SLC39A11: variants seen among roughly 807,000 people sequenced by gnomAD.
The protein encoded by SLC39A11 is solute carrier family 39 member 11.
A neutral mutation model predicts 36.1 loss-of-function variants in SLC39A11; 33 were observed. That is an observed-to-expected ratio of 0.91 (90% CI 0.69 to 1.22). The LOEUF (loss-of-function observed/expected upper bound fraction) is 1.22. Among genes scored for constraint, SLC39A11 ranks in the 50% most tolerant of loss-of-function variants. The probability of loss-of-function intolerance (pLI) is 0.00; values close to 1 mark genes in which losing one functional copy is unlikely to be tolerated. For missense variants in SLC39A11, 432 were observed against 430.3 expected (o/e 1.00, Z -0.03); for synonymous variants, 166 against 170.3 (o/e 0.97, Z 0.20).
chr17:73,045,027 G>T (rs952287320), intron 3 of SLC39A11, among the ~76,000 whole-genome samples: 5 of 151,914 alleles, frequency 3.3e-5, no homozygotes, highest in Non-Finnish European at 7.4e-5. Flanking sequence ...GTCTCAAAAA[G>T]GCTACCTGCT....
At chr17:72,894,006 G>A (rs1598307393) in intron 5 of SLC39A11, among the ~76,000 whole-genome samples, 1 of 152,268 alleles carries the variant, frequency 6.6e-6, no homozygotes, top group Non-Finnish European at 1.5e-5. Flanking sequence ...AGCAGTGAGT[G>A]TGATCAGTAT....
At chr17:72,784,565 G>A (rs747908178) in intron 6 of SLC39A11, among the ~76,000 whole-genome samples, 87 of 152,188 alleles carry the variant, frequency 5.7e-4, no homozygotes, top group Non-Finnish European at 1.3e-4. Flanking sequence ...TGTAATGACC[G>A]ATGCTGGAGG....
chr17:72,659,298 G>A (rs1382739881), intron 7 of SLC39A11, among the ~76,000 whole-genome samples: 5 of 152,216 alleles, frequency 3.3e-5, no homozygotes, highest in Non-Finnish European at 7.3e-5. Flanking sequence ...GGGCGAGGAT[G>A]ATTTTGGCGG....
intron 5 of SLC39A11, among the ~76,000 whole-genome samples, chr17:72,944,331 A>G (rs1182989423): frequency 1.3e-5 from 2 of 152,224 alleles, no homozygotes; most frequent in East Asian, 1.9e-4. Context: ...GAAATTAACA[A>G]TTAGTAAGAG....
At chr17:73,037,616 A>G (rs1184865700) in intron 3 of SLC39A11, among the ~76,000 whole-genome samples, 2 of 152,242 alleles carry the variant, frequency 1.3e-5, no homozygotes, top group African/African-American at 2.4e-5. Flanking sequence ...GTGGGCTAAC[A>G]GGGCCATCGC....
intron 6 of SLC39A11, among the ~76,000 whole-genome samples, chr17:72,746,612 C>T (rs2074948264): frequency 6.6e-6 from 1 of 152,110 alleles, no homozygotes; most frequent in South Asian, 2.1e-4. Flanking sequence ...GTGGTGGGCA[C>T]CTGTAGTCCC....
Position 73,031,502 on chromosome 17 carries a change from T to A in SLC39A11, c.306+54A>T, listed in dbSNP as rs1023215822. 5 of 1,584,850 alleles carry A rather than the reference T, an allele frequency of 3.2e-6. No individual in the cohort carries two copies. In the Admixed American group the frequency reaches 6.9e-5, roughly 22 times the overall value. ...CAGGTTTGATCAGAAATAAATTCAT[T>A]GCACAGAGCTGGTTGTATCCCGATA... On this transcript the variant is annotated intron_variant, in intron 4 of 9. Transcript: ENST00000255559.
chr17:72,766,019 G>A lies in SLC39A11; in HGVS notation c.602-29300C>T, dbSNP rs114818329. On this transcript the variant is annotated intron_variant, in intron 6 of 9. Transcript: ENST00000255559. The stretch of plus-strand genomic sequence containing the variant: ...GCAGCTCCTGTTGGCAAAAGTGGCC[G>A]CAAGAGCTTATGGTGGAACGTGGGA... Among the ~76,000 whole-genome samples, 975 of 152,292 alleles carry A rather than the reference G, an allele frequency of 6.4e-3. 12 individuals carry two copies. Among genetic ancestry groups the A allele is most frequent in the African/African-American group, 0.021 (863 of 41,568 alleles).
intron 6 of SLC39A11, among the ~76,000 whole-genome samples, chr17:72,820,830 T>C (rs2077747174): frequency 6.6e-6 from 1 of 150,964 alleles, no homozygotes; most frequent in African/African-American, 2.4e-5. Context: ...AGGAGAAACA[T>C]GTGGATGGGG....
In SLC39A11 at chr17:72,971,690, G is replaced by T. The variant is rs184785407; in HGVS notation, c.307-23815C>A. Among the ~76,000 whole-genome samples, 157 of 152,232 alleles carry T rather than the reference G, an allele frequency of 1.0e-3. 1 individual carries two copies. The highest frequency in any genetic ancestry group is 2.1e-3 in the Admixed American group (32 of 15,294). Reference sequence around the variant, plus strand: ...CTGGGGCCGGGCCGCCCCCCAGGAGGACTACCAAACTGTATCCCTTGTTAC... The same window carrying T: ...CTGGGGCCGGGCCGCCCCCCAGGAGTACTACCAAACTGTATCCCTTGTTAC... On this transcript the variant is annotated intron_variant, in intron 4 of 9. Transcript: ENST00000255559.
At chr17:72,937,161 T>G (rs944416405) in intron 5 of SLC39A11, among the ~76,000 whole-genome samples, 1 of 152,152 alleles carries the variant, frequency 6.6e-6, no homozygotes, top group Non-Finnish European at 1.5e-5. Context: ...TCACTGGCAG[T>G]CAGATACATT....
chr17:72,899,482 C>T (rs143962480), intron 5 of SLC39A11, among the ~76,000 whole-genome samples: 169 of 152,226 alleles, frequency 1.1e-3, no homozygotes, highest in Non-Finnish European at 1.8e-3. Context: ...AGGCAAGGGT[C>T]GGATAGACTT....
chr17:72,906,794 A>G (rs940049544), intron 5 of SLC39A11, among the ~76,000 whole-genome samples: 1 of 152,224 alleles, frequency 6.6e-6, no homozygotes. Flanking sequence ...AACTTCATAG[A>G]TCACTATGAT....
In SLC39A11 at chr17:72,913,190, C is replaced by CA. The variant is rs35609182; in HGVS notation, c.430+34561dup. On this transcript the variant is annotated intron_variant, in intron 5 of 9. Transcript: ENST00000255559. ...GGAAAGAAATTGGAGGGTGTAGGGG[C>CA]AAAAAAAAAAATCCTTTTTTAATTT... 3.2e-3 allele frequency among the ~76,000 whole-genome samples: 468 copies of CA among 145,890 alleles called. 4 individuals carry two copies. The highest frequency in any genetic ancestry group is 9.3e-3 in the African/African-American group (369 of 39,830).
At chr17:72,855,625 G>A (rs369714402) in intron 5 of SLC39A11, among the ~76,000 whole-genome samples, 8 of 152,296 alleles carry the variant, frequency 5.3e-5, no homozygotes, top group East Asian at 3.9e-4. Context: ...GGCCGGGTGC[G>A]GTGGCTCACG....
At position 72,971,336 on chromosome 17, in the gene SLC39A11, A is replaced by T. The variant is rs571918145; in HGVS notation, c.307-23461T>A. 7.7e-3 allele frequency among the ~76,000 whole-genome samples: 1,109 copies of T among 143,452 alleles called. 7 individuals carry two copies. Among genetic ancestry groups the T allele is most frequent in the African/African-American group, 0.01 (409 of 39,060 alleles). The allele number at this position is 143,452 out of a possible 152,430, so 94.1% of individuals were successfully genotyped here. A position where few individuals can be genotyped will look rare whatever the true frequency, so the allele number is the denominator to read the frequency against. ...CACACATACACACACACACACACAC[A>T]CTCTCTCTCTCTCTCTCTCTCTGAA... On this transcript the variant is annotated intron_variant, in intron 4 of 9. Transcript: ENST00000255559.
chr17:72,669,380 C>T (rs531393644), intron 7 of SLC39A11, among the ~76,000 whole-genome samples: 1 of 152,260 alleles, frequency 6.6e-6, no homozygotes, highest in South Asian at 2.1e-4. Flanking sequence ...CCTTTGCCTC[C>T]CCTACTTTGC....
chr17:73,047,990 A>AAAAATATAT (rs1555693446), intron 3 of SLC39A11, among the ~76,000 whole-genome samples: 16 of 58,700 alleles, frequency 2.7e-4, no homozygotes, highest in Non-Finnish European at 3.6e-4. Flanking sequence ...AAAAAAAAAA[A>AAAAATATAT]ATATATATAT....
intron 1 of SLC39A11, chr17:73,091,717 C>A (rs983128156): frequency 2.6e-5 from 4 of 152,184 alleles, no homozygotes; most frequent in Non-Finnish European, 5.9e-5. Context: ...GAATTCCTCA[C>A]GATGGGGATA....
Sources: gnomAD v4.1 joint callset for allele counts (sites outside exome capture counted in the v4.1 genomes callset) on GRCh38, gnomAD v4.1.1 for gene constraint, MANE v1.5 for transcripts, NCBI Gene and HGNC (gene_info 2026-07-23, HGNC 2026-07-21) for gene names.